Variants in UNC79 observed in about 807,000 individuals in gnomAD.
The protein encoded by UNC79 is protein unc-79 homolog.
In UNC79, 37 loss-of-function variants were observed where a neutral mutation model predicts 283.1. That is an observed-to-expected ratio of 0.13 (90% CI 0.10 to 0.17). The LOEUF (loss-of-function observed/expected upper bound fraction) is 0.17. Among genes scored for constraint, UNC79 ranks in the 10% least tolerant of loss-of-function variants. UNC79 has a pLI of 1.00. For missense variants in UNC79, 2,272 were observed against 3,211.1 expected, an observed-to-expected ratio of 0.71 and a Z score of 7.07; for synonymous variants, 1,107 against 1,200.2, an observed-to-expected ratio of 0.92 and a Z score of 1.61.
At chr14:93,508,882 A>G (rs766537966) in intron 7 of UNC79, among the ~76,000 whole-genome samples, 8 of 152,178 alleles carry the variant, frequency 5.3e-5, no homozygotes, top group Non-Finnish European at 1.0e-4. Flanking sequence ...ATTGTCCAGT[A>G]CTTTCACAAC....
At chr14:93,484,564 G>A (rs1215767509) in intron 4 of UNC79, among the ~76,000 whole-genome samples, 1 of 152,170 alleles carries the variant, frequency 6.6e-6, no homozygotes, top group Non-Finnish European at 1.5e-5. Context: ...GTGATGCTGG[G>A]AGGATAGGGA....
chr14:93,707,180 A>G (rs2079596468), downstream of UNC79: 5 of 330,236 alleles, frequency 1.5e-5, no homozygotes, highest in Non-Finnish European at 2.7e-5. Flanking sequence ...TTTTTTTAAG[A>G]AAAAAAAATA....
chr14:93,503,516 A>G (rs181280281), intron 7 of UNC79, among the ~76,000 whole-genome samples: 5 of 152,214 alleles, frequency 3.3e-5, no homozygotes, highest in African/African-American at 1.2e-4. Context: ...CCTCTCATTA[A>G]TAGTGTATGA....
chr14:93,704,850 G>A (rs1296600923), intron 48 of UNC79, among the ~76,000 whole-genome samples, 184 bp downstream of exon 51: 1 of 152,194 alleles, frequency 6.6e-6, no homozygotes, highest in African/African-American at 2.4e-5. Context: ...GGGGGTGGCA[G>A]CAGGAACCAT....
At chr14:93,634,246 G>T (rs1380408595) in intron 31 of UNC79, among the ~76,000 whole-genome samples, 1 of 152,146 alleles carries the variant, frequency 6.6e-6, no homozygotes, top group East Asian at 1.9e-4. Flanking sequence ...TTTAAAAGTA[G>T]ATGAAGATAA....
chr14:93,706,104 C>T (rs562160273), intron 48 of UNC79, among the ~76,000 whole-genome samples: 1 of 152,254 alleles, frequency 6.6e-6, no homozygotes, highest in East Asian at 1.9e-4. Context: ...GTGGCGATTG[C>T]CCAGATGGCC....
At chr14:93,596,874 C>A (rs1438231255) in intron 23 of UNC79, among the ~76,000 whole-genome samples, 1 of 152,102 alleles carries the variant, frequency 6.6e-6, no homozygotes, top group Non-Finnish European at 1.5e-5. Context: ...GCTTCGATAG[C>A]CCCAGGAAAT....
Position 93,671,277 on chromosome 14 carries a change from G to C in UNC79, c.6637-2074G>C, listed in dbSNP as rs142797330. Among the ~76,000 whole-genome samples, 87 of 152,202 alleles carry C rather than the reference G, an allele frequency of 5.7e-4. 1 individual carries two copies. Among genetic ancestry groups the C allele is most frequent in the Non-Finnish European group, 5.0e-4 (34 of 68,016 alleles). ...GGAGACAAACATATGTAGTTAAACT[G>C]TAAAAACATACATGAAATAATAAAT... On this transcript the variant is annotated intron_variant, in intron 40 of 48. Coordinates refer to ENST00000555664, the Ensembl canonical transcript of UNC79.
At chr14:93,548,472 T>G (rs926866213) in intron 14 of UNC79, among the ~76,000 whole-genome samples, 6 of 152,232 alleles carry the variant, frequency 3.9e-5, no homozygotes, top group African/African-American at 1.4e-4. Flanking sequence ...AAAAACCTTT[T>G]ACAACCTCTT....
At chr14:93,565,350 C>G (rs556988287) in intron 14 of UNC79, among the ~76,000 whole-genome samples, 3 of 152,158 alleles carry the variant, frequency 2.0e-5, no homozygotes, top group Non-Finnish European at 4.4e-5. Context: ...AAGTATTTGA[C>G]CTATGACCCA....
At chr14:93,528,537 C>T in intron 8 of UNC79, 21 bp from the exon 9 acceptor site, 1 of 1,608,784 alleles carries the variant, frequency 6.2e-7, no homozygotes, top group Non-Finnish European at 8.5e-7. Context: ...AGAGTTCATT[C>T]TGTCTTTTCA....
At chr14:93,422,377 G>A (rs756521168) in intron 1 of UNC79, among the ~76,000 whole-genome samples, 2 of 147,044 alleles carry the variant, frequency 1.4e-5, no homozygotes, top group Non-Finnish European at 3.1e-5. Context: ...TGCAGATGAA[G>A]CCTCCAGGTA....
chr14:93,545,033 G>C (rs2141231092), intron 14 of UNC79, among the ~76,000 whole-genome samples: 1 of 152,218 alleles, frequency 6.6e-6, no homozygotes, highest in African/African-American at 2.4e-5. Context: ...TAGGAAGTTA[G>C]GTTTTAGTTC....
At chr14:93,593,812 A>G (rs763821571) in exon 23 of UNC79, 19 of 1,613,832 alleles carry the variant, frequency 1.2e-5, no homozygotes, top group Non-Finnish European at 1.6e-5. Context: ...TCAACAGCAA[A>G]GACTGGAAGA....
In UNC79 at chr14:93,378,888, A is replaced by G. The variant is rs61994471; in HGVS notation, c.-351+45365A>G. ...TAAGAAAAAGCGAAAACTTAGATAC[A>G]TGGTAGCACTATATAACAAACAATA... On this transcript the variant is annotated intron_variant, in intron 1 of 49. Transcript: ENST00000256339. Among the ~76,000 whole-genome samples, 1,509 of 152,330 alleles carry G rather than the reference A, an allele frequency of 9.9e-3. 12 individuals carry two copies. The highest frequency in any genetic ancestry group is 0.029 in the South Asian group (138 of 4,830).
chr14:93,547,412 AG>A (rs34991144), intron 14 of UNC79, among the ~76,000 whole-genome samples: 131,495 of 152,174 alleles, frequency 0.86, 56,904 homozygotes, highest in East Asian at 0.94. Context: ...GGGAAATTTC[AG>A]GTCAGTTCAA....
chr14:93,556,706 CT>C (rs1265915824), intron 14 of UNC79, among the ~76,000 whole-genome samples: 2 of 151,176 alleles, frequency 1.3e-5, no homozygotes, highest in Non-Finnish European at 2.9e-5. Flanking sequence ...ACCCAAAAAC[CT>C]TTTTTTCAAA....
intron 14 of UNC79, among the ~76,000 whole-genome samples, chr14:93,561,410 A>C (rs2062543884): frequency 6.6e-6 from 1 of 152,188 alleles, no homozygotes; most frequent in Non-Finnish European, 1.5e-5. Flanking sequence ...TAGAAAGTAA[A>C]GAAGTTCTTC....
intron 1 of UNC79, among the ~76,000 whole-genome samples, chr14:93,418,136 C>G (rs1190550355): frequency 1.3e-5 from 2 of 151,644 alleles, no homozygotes; most frequent in East Asian, 3.9e-4. Flanking sequence ...TGTTTTTTCC[C>G]CATCTTTGTG....
Sources: allele counts gnomAD v4.1 joint callset (sites outside exome capture counted in the v4.1 genomes callset), GRCh38; gene constraint gnomAD v4.1.1; transcripts MANE v1.5; gene names NCBI Gene and HGNC (gene_info 2026-07-23, HGNC 2026-07-21).